UBE2U: variants seen among roughly 807,000 people sequenced by gnomAD.
The protein encoded by UBE2U is ubiquitin-conjugating enzyme E2 U.
UBE2U carries 39 observed loss-of-function variants against 41.2 expected under a neutral mutation model. The ratio of observed to expected loss-of-function variants is 0.95; its 90% CI spans 0.73 to 1.24. The LOEUF (loss-of-function observed/expected upper bound fraction) is 1.24. Ranked by LOEUF, UBE2U falls within the 50% of genes most tolerant of loss-of-function variation. The pLI is 0.00. For synonymous variants in UBE2U, 107 were observed against 117.8 expected (o/e 0.91, Z 0.60); for missense variants, 336 against 363.1 (o/e 0.93, Z 0.61).
In UBE2U at chr1:64,267,242, C is replaced by A; in HGVS notation, c.*34C>A. The A allele has an allele frequency of 6.9e-7, 1 of 1,449,682 alleles. No individual in the cohort carries two copies. Among genetic ancestry groups the A allele is most frequent in the Non-Finnish European group, 9.1e-7 (1 of 1,100,734 alleles). The allele number at this position is 1,449,682 out of a possible 1,614,324, so 89.8% of individuals were successfully genotyped here. A position where few individuals can be genotyped will look rare whatever the true frequency, so the allele number is the denominator to read the frequency against. ...TTATCAGATTCAAAAAATAAACAGC[C>A]TCCGCCATAGCCCAGCGTTGTGGAG... is the stretch of plus-strand genomic sequence containing the variant. On this transcript the variant is annotated 3_prime_UTR_variant, in exon 10 of 10. Coordinates refer to ENST00000371077, the MANE Select transcript of UBE2U (RefSeq NM_001366232.2).
intron 7 of UBE2U, among the ~76,000 whole-genome samples, chr1:64,234,014 A>G (rs1038486988): frequency 6.6e-6 from 1 of 152,070 alleles, no homozygotes; most frequent in African/African-American, 2.4e-5. Context: ...CCTTGGCAAT[A>G]TCTTCTTCAT....
rs12044407 is a variant in UBE2U at position 64,227,148 on chromosome 1, G to C, written c.507-5413G>C. 4.6e-5 allele frequency among the ~76,000 whole-genome samples: 7 copies of C among 152,250 alleles called. No homozygotes were observed. In the East Asian group the frequency reaches 1.4e-3, roughly 29 times the overall value. The stretch of plus-strand genomic sequence containing the variant: ...ATTTCAGTAATAGGAATCTACAAAA[G>C]TCCAACAGCCAACCTCATACTAAAA... On this transcript the variant is annotated intron_variant, in intron 6 of 9. Transcript: ENST00000371077.
chr1:64,235,985 G>T (rs958167704), intron 7 of UBE2U, among the ~76,000 whole-genome samples: 2 of 152,058 alleles, frequency 1.3e-5, no homozygotes, highest in African/African-American at 2.4e-5. Context: ...TTTACCTAAG[G>T]TTACACATGT....
chr1:64,216,664 A>G (rs72667240), intron 5 of UBE2U, among the ~76,000 whole-genome samples: 13,865 of 152,286 alleles, frequency 0.091, 719 homozygotes, highest in Middle Eastern at 0.19. Context: ...GTCTGGAATT[A>G]ATTTTATTGT....
intron 4 of UBE2U, 96 bp from the exon 5 acceptor site, chr1:64,214,719 A>T: frequency 2.3e-6 from 2 of 861,276 alleles, no homozygotes; most frequent in Non-Finnish European, 3.9e-6. Context: ...GTAAGCATTT[A>T]ATACATGCTT....
intron 6 of UBE2U, 48 bp downstream of exon 6, chr1:64,220,955 CTATT>C (rs751793380): frequency 4.6e-6 from 6 of 1,316,562 alleles, no homozygotes; most frequent in South Asian, 1.3e-5. Context: ...ACCAAAAGGA[CTATT>C]TATTTAAACT....
intron 8 of UBE2U, among the ~76,000 whole-genome samples, chr1:64,258,023 CTG>C: frequency 6.6e-6 from 1 of 152,168 alleles, no homozygotes; most frequent in East Asian, 1.9e-4. Context: ...GCTAAAAAAA[CTG>C]AATGTTTGCC....
intron 3 of UBE2U, among the ~76,000 whole-genome samples, chr1:64,209,511 G>A (rs1651533196): frequency 6.6e-6 from 1 of 152,136 alleles, no homozygotes; most frequent in Non-Finnish European, 1.5e-5. Context: ...AAATCAGGGG[G>A]ACTTTTGTGG....
At chr1:64,244,420 T>A (rs1314384649) in intron 8 of UBE2U, 2 of 343,756 alleles carry the variant, frequency 5.8e-6, no homozygotes, top group Admixed American at 1.3e-4. Context: ...AAATTTTAGT[T>A]CCTGGGGAGA....
intron 8 of UBE2U, chr1:64,244,153 A>G: frequency 6.2e-7 from 1 of 1,609,380 alleles, no homozygotes; most frequent in African/African-American, 1.3e-5. Context: ...CTTTGGAAGC[A>G]GCATAGGGGA....
rs1221201927 is a variant in UBE2U at position 64,239,092 on chromosome 1, G to GGAA, written c.596-2496_596-2494dup. ...AGGAAGAGGAAGAGGAAGAGGAAGA[G>GGAA]GAAGAAGAAGAAGAAGAAGAAGAAG... On this transcript the variant is annotated intron_variant, in intron 7 of 9. Transcript: ENST00000371077. 3.8e-3 allele frequency among the ~76,000 whole-genome samples: 162 copies of GGAA among 42,742 alleles called. 4 individuals carry two copies. The highest frequency in any genetic ancestry group is 5.4e-3 in the Non-Finnish European group (123 of 22,974). 28.0% of individuals were successfully genotyped at this position (42,742 alleles called of 152,430 possible).
rs1436307202 is a variant in UBE2U at position 64,229,548 on chromosome 1, G to C, written c.507-3013G>C. On this transcript the variant is annotated intron_variant, in intron 6 of 9. Transcript: ENST00000371077. ...TGCTCCAGAGCCACACACTTAACAAGTAGAAGTGCCGGAGGGTTTTAACCC... is the reference window on the plus strand; with the variant it reads ...TGCTCCAGAGCCACACACTTAACAACTAGAAGTGCCGGAGGGTTTTAACCC... 2.0e-5 allele frequency among the ~76,000 whole-genome samples: 3 copies of C among 152,080 alleles called. No homozygotes were observed. The East Asian group carries it at 5.8e-4, about 29-fold the overall frequency.
chr1:64,250,888 G>A (rs1006353182), intron 8 of UBE2U, among the ~76,000 whole-genome samples: 2 of 143,542 alleles, frequency 1.4e-5, no homozygotes, highest in African/African-American at 5.2e-5. Flanking sequence ...ACAGGAAGGG[G>A]AACATCACAC....
chr1:64,239,099 GAAGA>G (rs1644741129), intron 7 of UBE2U, among the ~76,000 whole-genome samples: 1 of 5,998 alleles, frequency 1.7e-4, no homozygotes, highest in African/African-American at 8.1e-4. Context: ...AGAGGAAGAA[GAAGA>G]AGAAGAAGAA....
At chr1:64,223,802 G>C (rs1652662407) in intron 6 of UBE2U, among the ~76,000 whole-genome samples, 1 of 152,148 alleles carries the variant, frequency 6.6e-6, no homozygotes, top group Non-Finnish European at 1.5e-5. Context: ...TCTAGAGGCA[G>C]AATGGGGATT....
rs116039801 is a variant in UBE2U at position 64,226,524 on chromosome 1, G to A, written c.506+5617G>A. On this transcript the variant is annotated intron_variant, in intron 6 of 9. Coordinates refer to ENST00000371077, the MANE Select transcript of UBE2U (RefSeq NM_001366232.2). ...CATTTTATTGAGTGTAAATTATGCT[G>A]CAATAAAATTTATTTTAAAAAGCTA... Among the ~76,000 whole-genome samples the A allele has an allele frequency of 4.9e-3, 753 of 152,228 alleles. 4 individuals carry two copies. Among genetic ancestry groups the A allele is most frequent in the African/African-American group, 0.018 (730 of 41,526 alleles).
At chr1:64,239,140 A>AGAG (rs1557730539) in intron 7 of UBE2U, among the ~76,000 whole-genome samples, 2 of 28,352 alleles carry the variant, frequency 7.1e-5, no homozygotes, top group Admixed American at 4.1e-4. Context: ...AAGAAGAAGA[A>AGAG]GAAGAAGAAG....
intron 9 of UBE2U, among the ~76,000 whole-genome samples, chr1:64,262,836 T>C (rs1570163447): frequency 1.3e-5 from 2 of 152,174 alleles, no homozygotes. Context: ...TTGGAGTCTG[T>C]CCGGCACACA....
intron 9 of UBE2U, among the ~76,000 whole-genome samples, chr1:64,262,710 C>G (rs1645196231): frequency 6.6e-6 from 1 of 152,136 alleles, no homozygotes; most frequent in African/African-American, 2.4e-5. Context: ...GTGAGTGAGA[C>G]CTTATCACTT....
Sources: gnomAD v4.1 joint callset for allele counts (sites outside exome capture counted in the v4.1 genomes callset) on GRCh38, gnomAD v4.1.1 for gene constraint, MANE v1.5 for transcripts, NCBI Gene and HGNC (gene_info 2026-07-23, HGNC 2026-07-21) for gene names.